The following GPATCH2 variants were observed in gnomAD, a reference collection of about 807,000 sequenced individuals.
GPATCH2 encodes G-patch domain containing 2, also known as G patch domain-containing protein 2.
Under a neutral mutation model 58.0 loss-of-function variants are expected in GPATCH2, and 51 were observed. The ratio of observed to expected loss-of-function variants is 0.88; its 90% CI spans 0.70 to 1.11. GPATCH2 has a LOEUF of 1.11. Ranked by LOEUF, GPATCH2 falls within the 50% of genes most tolerant of loss-of-function variation. The probability of loss-of-function intolerance (pLI) is 0.00; values close to 1 mark genes in which losing one functional copy is unlikely to be tolerated. For missense variants in GPATCH2, 625 were observed against 652.2 expected (o/e 0.96, Z 0.45); for synonymous variants, 222 against 218.5 (o/e 1.02, Z -0.14).
At chr1:217,484,477 G>T (rs1329996925) in intron 8 of GPATCH2, among the ~76,000 whole-genome samples, 1 of 151,130 alleles carries the variant, frequency 6.6e-6, no homozygotes, top group Non-Finnish European at 1.5e-5. Context: ...CAGCTTGTCA[G>T]CTGAAGATCT....
chr1:217,578,271 CA>C (rs1666905105), intron 5 of GPATCH2, among the ~76,000 whole-genome samples: 1 of 151,946 alleles, frequency 6.6e-6, no homozygotes, highest in South Asian at 2.1e-4. Flanking sequence ...CTCTATTGCC[CA>C]GATTGACGGG....
chr1:217,524,903 AG>A (rs1558458215), intron 5 of GPATCH2, among the ~76,000 whole-genome samples: 1 of 708 alleles, frequency 1.4e-3, no homozygotes. Context: ...GGGAGGGGGG[AG>A]GGGGGAGGGG....
intron 5 of GPATCH2, chr1:217,608,132 A>G (rs967582407): frequency 3.8e-6 from 1 of 265,332 alleles, no homozygotes; most frequent in Non-Finnish European, 5.8e-6. Context: ...CAACAACAAC[A>G]ATGAAAACTT....
At chr1:217,605,277 T>C (rs1668299607) in intron 5 of GPATCH2, among the ~76,000 whole-genome samples, 1 of 152,202 alleles carries the variant, frequency 6.6e-6, no homozygotes, top group East Asian at 1.9e-4. Context: ...TACAAATTAT[T>C]GTGTTCAGGG....
Position 217,620,108 on chromosome 1 carries a change from C to T in GPATCH2, c.448G>A (p.Val150Met). ...RPLWHESDFA[V>M]DNVGNRTLRR... is the part of the protein sequence containing the mutation. The stretch of plus-strand genomic sequence containing the variant: ...AGAGTTCTATTCCCAACATTGTCCA[C>T]AGCAAAATCAGACTCATGCCATAGA... Residue 150 changes from valine (V) to methionine (M), a missense_variant, in exon 2 of 10, where the codon GTG (valine) becomes ATG (methionine). By Grantham distance (21) the Val-to-Met change is conservative. Coordinates refer to ENST00000366935, the MANE Select transcript of GPATCH2 (RefSeq NM_018040.5). 1 of 1,614,134 alleles carries T rather than the reference C, an allele frequency of 6.2e-7. No homozygotes were observed. Among genetic ancestry groups the T allele is most frequent in the Admixed American group, 1.7e-5 (1 of 60,020 alleles).
At chr1:217,503,710 A>G (rs939175938) in intron 6 of GPATCH2, among the ~76,000 whole-genome samples, 19 of 152,088 alleles carry the variant, frequency 1.2e-4, no homozygotes, top group African/African-American at 2.4e-5. Context: ...TCAGAGCTCT[A>G]TTAGTTCTGG....
chr1:217,577,977 C>A (rs1285699553), intron 5 of GPATCH2, among the ~76,000 whole-genome samples: 3 of 151,470 alleles, frequency 2.0e-5, no homozygotes, highest in African/African-American at 7.3e-5. Context: ...GAACTCCCAA[C>A]CTCAGGTGAT....
chr1:217,438,629 T>C (rs1658970649), intron 9 of GPATCH2, among the ~76,000 whole-genome samples: 1 of 151,758 alleles, frequency 6.6e-6, no homozygotes, highest in Non-Finnish European at 1.5e-5. Context: ...AGATTGAAGA[T>C]CATCTAAATG....
intron 5 of GPATCH2, among the ~76,000 whole-genome samples, chr1:217,599,739 GAC>G (rs1411839585): frequency 2.6e-5 from 4 of 152,096 alleles, no homozygotes; most frequent in African/African-American, 9.7e-5. Context: ...AATTAGGCAA[GAC>G]ATCAAGTTTC....
At chr1:217,515,348 G>T (rs1011510378) in intron 5 of GPATCH2, among the ~76,000 whole-genome samples, 2 of 151,796 alleles carry the variant, frequency 1.3e-5, no homozygotes, top group African/African-American at 4.8e-5. Flanking sequence ...TGCCTGCCTC[G>T]GCCTCCCAAA....
At chr1:217,591,257 T>C (rs1338871208) in intron 5 of GPATCH2, among the ~76,000 whole-genome samples, 1 of 152,146 alleles carries the variant, frequency 6.6e-6, no homozygotes, top group Non-Finnish European at 1.5e-5. Flanking sequence ...AATGCATATA[T>C]ATATGATGGA....
intron 5 of GPATCH2, among the ~76,000 whole-genome samples, chr1:217,569,419 G>C (rs984563229): frequency 6.6e-6 from 1 of 152,236 alleles, no homozygotes; most frequent in South Asian, 2.1e-4. Flanking sequence ...GCCCAGCCAG[G>C]CACAATGGCT....
intron 9 of GPATCH2, among the ~76,000 whole-genome samples, chr1:217,436,652 C>T (rs951943085): frequency 5.3e-5 from 8 of 152,092 alleles, no homozygotes; most frequent in African/African-American, 9.7e-5. Context: ...ATTTGGATAA[C>T]GTAGAATACA....
At chr1:217,630,837 C>T in intron 1 of GPATCH2, 79 bp downstream of exon 1, 1 of 1,024,946 alleles carries the variant, frequency 9.8e-7, no homozygotes, top group East Asian at 2.6e-5. Context: ...CCTCCCGCCT[C>T]CATTCCAGGT....
At chr1:217,483,800 A>T (rs563459726) in intron 8 of GPATCH2, among the ~76,000 whole-genome samples, 2 of 152,246 alleles carry the variant, frequency 1.3e-5, no homozygotes, top group African/African-American at 4.8e-5. Flanking sequence ...GTCCAGTCAA[A>T]CTTTTCCTTA....
intron 5 of GPATCH2, among the ~76,000 whole-genome samples, chr1:217,543,631 T>G (rs1664871448): frequency 6.6e-6 from 1 of 152,196 alleles, no homozygotes; most frequent in Admixed American, 6.5e-5. Flanking sequence ...CATCTTTGTC[T>G]GACTTATAGG....
chr1:217,440,682 T>C (rs1404911221), intron 9 of GPATCH2, among the ~76,000 whole-genome samples: 1 of 152,192 alleles, frequency 6.6e-6, no homozygotes. Context: ...ACAAAATCAA[T>C]GTGCAAAAAT....
intron 8 of GPATCH2, among the ~76,000 whole-genome samples, chr1:217,470,668 G>A (rs1157500518): frequency 1.3e-5 from 2 of 152,130 alleles, no homozygotes; most frequent in Non-Finnish European, 1.5e-5. Context: ...TGTGAGAATA[G>A]TGTAGTTTTA....
At chr1:217,573,043 G>C (rs1666642023) in intron 5 of GPATCH2, among the ~76,000 whole-genome samples, 1 of 152,158 alleles carries the variant, frequency 6.6e-6, no homozygotes, top group Non-Finnish European at 1.5e-5. Flanking sequence ...CGACACAAAA[G>C]TTCATAACCC....
Sources: gnomAD v4.1 joint callset for allele counts (sites outside exome capture counted in the v4.1 genomes callset) on GRCh38, gnomAD v4.1.1 for gene constraint, MANE v1.5 for transcripts, NCBI Gene and HGNC (gene_info 2026-07-23, HGNC 2026-07-21) for gene names.